EPB41L4B: variants seen among roughly 807,000 people sequenced by gnomAD.
EPB41L4B encodes erythrocyte membrane protein band 4.1 like 4B.
Under a neutral mutation model 112.5 loss-of-function variants are expected in EPB41L4B, and 30 were observed. The ratio of observed to expected loss-of-function variants is 0.27; its 90% CI spans 0.20 to 0.36. The LOEUF (loss-of-function observed/expected upper bound fraction) is 0.36, where lower values mean the gene tolerates loss of function less well. Ranked by LOEUF, EPB41L4B falls within the 10% of genes least tolerant of loss-of-function variation. The probability of loss-of-function intolerance (pLI) is 1.00; values close to 1 mark genes in which losing one functional copy is unlikely to be tolerated. For synonymous variants in EPB41L4B, 408 were observed against 439.7 expected (o/e 0.93, Z 0.90); for missense variants, 1,024 against 1,133.3 (o/e 0.90, Z 1.38).
intron 1 of EPB41L4B, among the ~76,000 whole-genome samples, chr9:109,307,015 G>GC (rs1554765734): frequency 8.0e-6 from 1 of 124,516 alleles, no homozygotes; most frequent in Non-Finnish European, 1.7e-5. Context: ...TGCTGCAGTT[G>GC]TTTTTTTTTT....
intron 15 of EPB41L4B, among the ~76,000 whole-genome samples, chr9:109,226,697 AAT>A (rs1304733980): frequency 7.5e-6 from 1 of 134,188 alleles, no homozygotes; most frequent in African/African-American, 2.8e-5. Flanking sequence ...TATATATATG[AAT>A]ATATATATGA....
intron 3 of EPB41L4B, among the ~76,000 whole-genome samples, 168 bp from the exon 4 acceptor site, chr9:109,267,719 C>T (rs992100864): frequency 1.3e-5 from 2 of 152,186 alleles, no homozygotes; most frequent in African/African-American, 4.8e-5. Flanking sequence ...ATCAGGGAAA[C>T]TGAGATGGAT....
At chr9:109,218,972 C>T (rs903773509) in intron 15 of EPB41L4B, among the ~76,000 whole-genome samples, 10 of 152,206 alleles carry the variant, frequency 6.6e-5, no homozygotes, top group African/African-American at 2.4e-4. Flanking sequence ...CATACTAGAA[C>T]AAACTGCTAA....
intron 4 of EPB41L4B, 86 bp downstream of exon 4, chr9:109,267,387 G>T: frequency 1.3e-6 from 1 of 796,666 alleles, no homozygotes; most frequent in South Asian, 1.7e-5. Context: ...GACAGAAGAA[G>T]AGGCAAACCC....
intron 15 of EPB41L4B, chr9:109,240,432 T>G: frequency 1.0e-6 from 1 of 985,412 alleles, no homozygotes; most frequent in Non-Finnish European, 1.2e-6. Context: ...TCTCAAAGGA[T>G]GTCAAACATT....
At chr9:109,236,246 T>A (rs564636296) in intron 15 of EPB41L4B, among the ~76,000 whole-genome samples, 1 of 152,290 alleles carries the variant, frequency 6.6e-6, no homozygotes, top group East Asian at 1.9e-4. Flanking sequence ...CTTGGTTTGA[T>A]AGATTGCAGG....
At chr9:109,268,680 C>T (rs908471945) in intron 2 of EPB41L4B, among the ~76,000 whole-genome samples, 7 of 152,042 alleles carry the variant, frequency 4.6e-5, no homozygotes, top group East Asian at 1.9e-4. Flanking sequence ...GGGCGGATCA[C>T]GAGGTCAGGA....
chr9:109,246,766 C>T (rs746217332), intron 14 of EPB41L4B, among the ~76,000 whole-genome samples: 4 of 152,200 alleles, frequency 2.6e-5, no homozygotes, highest in Non-Finnish European at 4.4e-5. Flanking sequence ...AGCTGGCAGG[C>T]GGCACAGGCC....
intron 18 of EPB41L4B, among the ~76,000 whole-genome samples, chr9:109,206,718 T>C (rs992204883): frequency 3.9e-5 from 6 of 152,228 alleles, no homozygotes; most frequent in African/African-American, 1.4e-4. Context: ...GGAGAATTTA[T>C]GGCAGCTATT....
At chr9:109,229,215 A>G (rs1190769644) in intron 15 of EPB41L4B, among the ~76,000 whole-genome samples, 2 of 152,202 alleles carry the variant, frequency 1.3e-5, no homozygotes, top group Non-Finnish European at 2.9e-5. Flanking sequence ...ACACATTTCC[A>G]ATGCAGTCTT....
chr9:109,221,298 T>G (rs954722974), intron 15 of EPB41L4B, among the ~76,000 whole-genome samples: 2 of 152,196 alleles, frequency 1.3e-5, no homozygotes, highest in Non-Finnish European at 2.9e-5. Context: ...AGCTAGGATT[T>G]GACGACAGGT....
intron 12 of EPB41L4B, among the ~76,000 whole-genome samples, chr9:109,252,026 T>C (rs1335291365): frequency 2.0e-5 from 3 of 151,912 alleles, no homozygotes; most frequent in Non-Finnish European, 4.4e-5. Context: ...AAGAAGATGC[T>C]AGAACTCTGG....
chr9:109,232,928 T>C (rs182449676), intron 15 of EPB41L4B, among the ~76,000 whole-genome samples: 166 of 152,344 alleles, frequency 1.1e-3, no homozygotes, highest in Admixed American at 4.4e-3. Context: ...GTAACACTGA[T>C]ATGAATTTTA....
intron 15 of EPB41L4B, among the ~76,000 whole-genome samples, chr9:109,239,033 C>T (rs1834256529): frequency 6.6e-6 from 1 of 152,180 alleles, no homozygotes; most frequent in South Asian, 2.1e-4. Flanking sequence ...TGCAATGGCA[C>T]AGGCCGACTG....
chr9:109,204,171 G>A (rs747546129), intron 18 of EPB41L4B, among the ~76,000 whole-genome samples: 7 of 152,192 alleles, frequency 4.6e-5, no homozygotes, highest in African/African-American at 7.2e-5. Context: ...ATAACAGCCT[G>A]GCAGGAATCA....
At chr9:109,251,234 TAAACAAAGCACACAGCTACTC>T (rs1184250995) in intron 13 of EPB41L4B, among the ~76,000 whole-genome samples, 10 of 152,174 alleles carry the variant, frequency 6.6e-5, no homozygotes, top group South Asian at 4.1e-4. Flanking sequence ...ACTGTTATCA[TAAACAAAGCACACAGCTACTC>T]AAACAAAGCA....
intron 5 of EPB41L4B, among the ~76,000 whole-genome samples, chr9:109,264,397 C>A (rs368314965): frequency 6.6e-6 from 1 of 152,120 alleles, no homozygotes; most frequent in South Asian, 2.1e-4. Flanking sequence ...AAGAGCTATG[C>A]CTGTTGAAAC....
intron 1 of EPB41L4B, among the ~76,000 whole-genome samples, chr9:109,311,965 T>G (rs1449562394): frequency 2.6e-5 from 4 of 152,190 alleles, no homozygotes; most frequent in African/African-American, 4.8e-5. Flanking sequence ...TGGGGCTGCC[T>G]GACGCGTAAG....
intron 24 of EPB41L4B, among the ~76,000 whole-genome samples, chr9:109,178,313 C>A (rs955565480): frequency 4.0e-5 from 6 of 151,552 alleles, no homozygotes; most frequent in Admixed American, 1.3e-4. Flanking sequence ...TAGTTCTTGG[C>A]CCTGACCTTG....
Sources: allele counts gnomAD v4.1 joint callset (sites outside exome capture counted in the v4.1 genomes callset), GRCh38; gene constraint gnomAD v4.1.1; transcripts MANE v1.5; gene names NCBI Gene and HGNC (gene_info 2026-07-23, HGNC 2026-07-21).